ITGA8: variants seen among roughly 807,000 people sequenced by gnomAD.
ITGA8 encodes integrin subunit alpha 8.
Under a neutral mutation model 142.3 loss-of-function variants are expected in ITGA8, and 91 were observed. That is an observed-to-expected ratio of 0.64 (90% CI 0.54 to 0.76). The LOEUF is 0.76. Ranked by LOEUF, ITGA8 falls within the 30% of genes least tolerant of loss-of-function variation. The probability of loss-of-function intolerance (pLI) is 0.00; values close to 1 mark genes in which losing one functional copy is unlikely to be tolerated. For synonymous variants in ITGA8, 505 were observed against 485.2 expected (o/e 1.04, Z -0.54); for missense variants, 1,406 against 1,327.7 (o/e 1.06, Z -0.92).
chr10:15,583,734 A>C (rs964039574), intron 23 of ITGA8, among the ~76,000 whole-genome samples: 1 of 152,190 alleles, frequency 6.6e-6, no homozygotes, highest in Non-Finnish European at 1.5e-5. Context: ...AAAGTAGTCC[A>C]AAATAACTAT....
chr10:15,712,876 G>A (rs1016371914), intron 2 of ITGA8, among the ~76,000 whole-genome samples: 6 of 152,206 alleles, frequency 3.9e-5, no homozygotes, highest in Non-Finnish European at 8.8e-5. Context: ...GCATGCTGCA[G>A]AGCCTACACG....
intron 13 of ITGA8, among the ~76,000 whole-genome samples, chr10:15,625,653 G>A (rs1833568422): frequency 6.6e-6 from 1 of 152,166 alleles, no homozygotes; most frequent in Non-Finnish European, 1.5e-5. Context: ...AGTGTTTTAG[G>A]CAGAATTGTG....
intron 23 of ITGA8, among the ~76,000 whole-genome samples, chr10:15,579,310 G>A (rs1426130575): frequency 1.3e-5 from 2 of 152,006 alleles, no homozygotes; most frequent in Non-Finnish European, 2.9e-5. Context: ...TTAATGATCT[G>A]TTTTGATTAT....
intron 12 of ITGA8, 37 bp downstream of exon 12, chr10:15,646,809 G>T: frequency 6.6e-7 from 1 of 1,515,992 alleles, no homozygotes; most frequent in Non-Finnish European, 9.1e-7. Flanking sequence ...CAGTGGTGAC[G>T]ACACATAAAT....
At chr10:15,621,126 A>G (rs1025304479) in intron 13 of ITGA8, among the ~76,000 whole-genome samples, 2 of 151,426 alleles carry the variant, frequency 1.3e-5, no homozygotes, top group African/African-American at 4.8e-5. Flanking sequence ...AAACAAACAA[A>G]TAAAAAACTT....
chr10:15,571,696 G>A (rs1155025), intron 25 of ITGA8, among the ~76,000 whole-genome samples: 1 of 151,974 alleles, frequency 6.6e-6, no homozygotes, highest in South Asian at 2.1e-4. Context: ...TGAAAAGCAC[G>A]GCTCTAGGCT....
intron 2 of ITGA8, among the ~76,000 whole-genome samples, chr10:15,689,826 C>T (rs978005641): frequency 4.6e-5 from 7 of 152,186 alleles, no homozygotes; most frequent in African/African-American, 9.6e-5. Context: ...TTCATCTGCC[C>T]ATCCCAGTTG....
intron 6 of ITGA8, among the ~76,000 whole-genome samples, chr10:15,676,143 A>G (rs999463115): frequency 1.3e-5 from 2 of 151,956 alleles, no homozygotes; most frequent in South Asian, 2.1e-4. Context: ...ACTTTCCTCC[A>G]TTCTCACCTA....
At chr10:15,570,462 TAGTC>T (rs1337649551) in intron 25 of ITGA8, among the ~76,000 whole-genome samples, 1 of 150,326 alleles carries the variant, frequency 6.7e-6, no homozygotes, top group Non-Finnish European at 1.5e-5. Flanking sequence ...ACAAAAAAAT[TAGTC>T]AGACGTGGTG....
chr10:15,538,491 G>A (rs189290718), intron 27 of ITGA8, among the ~76,000 whole-genome samples: 41 of 146,888 alleles, frequency 2.8e-4, no homozygotes, highest in South Asian at 8.8e-4. Context: ...CAGCCTGGGC[G>A]GCTGAGTGAG....
chr10:15,520,073 G>A (rs1833028740), intron 28 of ITGA8, among the ~76,000 whole-genome samples: 1 of 152,210 alleles, frequency 6.6e-6, no homozygotes, highest in African/African-American at 2.4e-5. Context: ...TGTGCAAAGT[G>A]AATGTTCAAT....
At chr10:15,652,376 C>A (rs1834103321) in intron 11 of ITGA8, among the ~76,000 whole-genome samples, 1 of 151,594 alleles carries the variant, frequency 6.6e-6, no homozygotes, top group Non-Finnish European at 1.5e-5. Context: ...AGGGGAAGAG[C>A]CCCTGGTGCT....
At chr10:15,669,094 G>C (rs1022608380) in intron 8 of ITGA8, among the ~76,000 whole-genome samples, 4 of 152,090 alleles carry the variant, frequency 2.6e-5, no homozygotes, top group Non-Finnish European at 5.9e-5. Context: ...AGTTCTCCTG[G>C]GTAATATCCT....
At position 15,603,760 on chromosome 10, in the gene ITGA8, G is replaced by A. The variant is rs184494845; in HGVS notation, c.2118+448C>T. On this transcript the variant is annotated intron_variant, in intron 20 of 29. Transcript: ENST00000378076. ...AGGACCTTGTTTCCCTTCCTGTGTCGGTCCAGGCTTTTATCAGTGCTCATC... is the reference window on the plus strand; with the variant it reads ...AGGACCTTGTTTCCCTTCCTGTGTCAGTCCAGGCTTTTATCAGTGCTCATC... Among the ~76,000 whole-genome samples the A allele has an allele frequency of 1.3e-3, 197 of 152,238 alleles. 2 individuals carry two copies. The highest frequency in any genetic ancestry group is 1.6e-3 in the Non-Finnish European group (112 of 68,026).
At chr10:15,630,502 T>G (rs905988965) in intron 13 of ITGA8, among the ~76,000 whole-genome samples, 4 of 152,126 alleles carry the variant, frequency 2.6e-5, no homozygotes, top group Admixed American at 6.5e-5. Context: ...ATCAAAGAAT[T>G]GCACACATGT....
At chr10:15,668,020 A>G (rs900797720) in intron 8 of ITGA8, among the ~76,000 whole-genome samples, 5 of 152,228 alleles carry the variant, frequency 3.3e-5, no homozygotes, top group Non-Finnish European at 7.3e-5. Flanking sequence ...AGAGTTCTGT[A>G]GATGTCTATT....
In ITGA8 at chr10:15,644,057, A is replaced by T. The variant is rs752861977; in HGVS notation, c.1372T>A (p.Ser458Thr). 1 of 1,613,944 alleles carries T rather than the reference A, an allele frequency of 6.2e-7. No homozygotes were observed. Among genetic ancestry groups the T allele is most frequent in the Non-Finnish European group, 8.5e-7 (1 of 1,179,916 alleles). ...GGGTAATCATTCTTGTCTATGTCTG[A>T]ATCTCCTCTTAAAGTAAAGCCAAAT... Reference protein sequence around the residue: ...SGFGFTLRGDSDIDKNDYPDL... With the variant: ...SGFGFTLRGDTDIDKNDYPDL... Residue 458 changes from serine to threonine, a missense_variant, in exon 13 of 30, where the codon TCA (serine) becomes ACA (threonine). Transcript: ENST00000378076.
chr10:15,586,946 C>T (rs865809996), intron 22 of ITGA8, among the ~76,000 whole-genome samples: 7 of 148,168 alleles, frequency 4.7e-5, no homozygotes, highest in Non-Finnish European at 7.4e-5. Context: ...TTTTTTGAGA[C>T]GGAGTCTCCC....
intron 27 of ITGA8, among the ~76,000 whole-genome samples, chr10:15,540,282 ATCCCTGT>A (rs1260022843): frequency 6.6e-6 from 1 of 152,008 alleles, no homozygotes; most frequent in Non-Finnish European, 1.5e-5. Context: ...ACCTCTTTTC[ATCCCTGT>A]TCCCCACCTT....
Sources: allele counts gnomAD v4.1 joint callset (sites outside exome capture counted in the v4.1 genomes callset), GRCh38; gene constraint gnomAD v4.1.1; transcripts MANE v1.5; gene names NCBI Gene and HGNC (gene_info 2026-07-23, HGNC 2026-07-21).